Variants in LAMC3 observed in about 807,000 individuals in gnomAD.
LAMC3 encodes the protein laminin subunit gamma-3.
A neutral mutation model predicts 173.8 loss-of-function variants in LAMC3; 128 were observed. The observed-to-expected ratio is 0.74, with a 90% CI of 0.64 to 0.85. LAMC3 has a LOEUF of 0.85. Among genes scored for constraint, LAMC3 ranks in the 40% least tolerant of loss-of-function variants. The probability of loss-of-function intolerance (pLI) is 0.00; values close to 1 mark genes in which losing one functional copy is unlikely to be tolerated. For synonymous variants in LAMC3, 897 were observed against 909.1 expected, an observed-to-expected ratio of 0.99 and a Z score of 0.24; for missense variants, 2,022 against 2,156.0, an observed-to-expected ratio of 0.94 and a Z score of 1.23.
Position 131,009,380 on chromosome 9 carries a change from A to AGCCC in LAMC3, c.172_175dup (p.Glu59AlafsTer72). The AGCCC allele has an allele frequency of 6.5e-7, 1 of 1,527,368 alleles. No homozygotes were observed. Among genetic ancestry groups the AGCCC allele is most frequent in the Non-Finnish European group, 8.8e-7 (1 of 1,141,646 alleles). 94.6% of individuals were successfully genotyped at this position (1,527,368 alleles called of 1,614,324 possible). ...CGCCCAGGCCTCGCACACGTGCGGC[A>AGCCC]GCCCGCCCGAGGACTTCTGTCCCCA... On this transcript the variant is annotated frameshift_variant, in exon 1 of 28. Coordinates refer to ENST00000361069, the MANE Select transcript of LAMC3 (RefSeq NM_006059.4). LOFTEE classifies it high-confidence loss of function. The surrounding 1 kb of genome is among the most constrained non-coding windows in gnomAD (Gnocchi z 4.3).
At chr9:131,017,519 G>A (rs530516938) in intron 1 of LAMC3, among the ~76,000 whole-genome samples, 20 of 151,346 alleles carry the variant, frequency 1.3e-4, no homozygotes, top group Non-Finnish European at 2.5e-4. Flanking sequence ...GAGGTCATGA[G>A]TTCGAGACCA....
intron 1 of LAMC3, chr9:131,021,388 C>G (rs1050438417): frequency 2.0e-5 from 3 of 152,152 alleles, no homozygotes; most frequent in Non-Finnish European, 4.4e-5. Context: ...CATGAGGGTT[C>G]CAGTTTCTCC....
chr9:131,071,483 G>C lies in LAMC3; in HGVS notation c.3070-1G>C, dbSNP rs760933843. The C allele has an allele frequency of 6.2e-7, 1 of 1,613,876 alleles. No individual in the cohort carries two copies. ...ACACCTTTTCTTCCTGTCCTCTCCA[G>C]GCAGCCAAGCTGAAGGCCAGACTGA... On this transcript the variant is annotated splice_acceptor_variant, in intron 17 of 27. Coordinates refer to ENST00000361069, the MANE Select transcript of LAMC3 (RefSeq NM_006059.4). LOFTEE classifies it high-confidence loss of function.
Position 131,067,051 on chromosome 9 carries a change from C to A in LAMC3, c.2439C>A (p.Ser813Arg). 4 of 1,614,098 alleles carry A rather than the reference C, an allele frequency of 2.5e-6. No homozygotes were observed. The highest frequency in any genetic ancestry group is 3.4e-6 in the Non-Finnish European group (4 of 1,180,022). Residue 813 changes from serine (S) to arginine (R), a missense_variant, in exon 14 of 28, where the codon AGC becomes AGA. Physicochemically the swap from Ser to Arg is moderately radical, Grantham distance 110. Transcript: ENST00000361069. ...HPQPCHQCQCSGNVDPNAVGN... is the reference protein window; with the variant it reads ...HPQPCHQCQCRGNVDPNAVGN... ...AGCCCTGCCACCAGTGCCAGTGTAG[C>A]GGGAACGTGGACCCCAATGCCGTGG...
At chr9:131,034,232 G>A (rs869673) in intron 3 of LAMC3, among the ~76,000 whole-genome samples, 1,720 of 152,290 alleles carry the variant, frequency 0.011, 117 homozygotes, top group Admixed American at 0.099. Flanking sequence ...TGGGTCAGTG[G>A]GCTTCACAGG....
chr9:131,051,899 G>A (rs10793985), intron 9 of LAMC3, among the ~76,000 whole-genome samples: 123,589 of 152,072 alleles, frequency 0.81, 50,833 homozygotes, highest in African/African-American at 0.94. Context: ...ATGGGCTGAT[G>A]CAGTGAAATG....
At chr9:131,078,803 G>A (rs1387891821) in intron 22 of LAMC3, among the ~76,000 whole-genome samples, 1 of 152,240 alleles carries the variant, frequency 6.6e-6, no homozygotes, top group Non-Finnish European at 1.5e-5. Context: ...GTGGGGCAGT[G>A]TGGGTCAGGG....
chr9:131,082,473 G>A (rs1465366468), intron 24 of LAMC3, among the ~76,000 whole-genome samples: 2 of 152,170 alleles, frequency 1.3e-5, no homozygotes, highest in African/African-American at 4.8e-5. Context: ...CTCTGGCCTG[G>A]GCTCCAGTTA....
intron 1 of LAMC3, among the ~76,000 whole-genome samples, chr9:131,013,069 C>T (rs958600428): frequency 6.6e-6 from 1 of 152,208 alleles, no homozygotes. Context: ...ACAGACCATT[C>T]CGGGGCTCTC....
intron 22 of LAMC3, among the ~76,000 whole-genome samples, chr9:131,078,793 G>A (rs895217369): frequency 6.6e-6 from 1 of 152,252 alleles, no homozygotes; most frequent in African/African-American, 2.4e-5. Context: ...CCACTTTGCA[G>A]TGGGGCAGTG....
In LAMC3 at chr9:131,094,308, T is replaced by A. The variant is rs1258754109; in HGVS notation, c.*2521T>A. On this transcript the variant is annotated 3_prime_UTR_variant, in exon 28 of 28. Coordinates refer to ENST00000361069, the MANE Select transcript of LAMC3 (RefSeq NM_006059.4). The stretch of plus-strand genomic sequence containing the variant: ...TAGGTGAAGTCCCACCAACCCCCGT[T>A]CAGGATAATGAGGATCTCTGGATCT... The A allele has an allele frequency of 6.6e-6, 1 of 152,190 alleles. No individual in the cohort carries two copies. Among genetic ancestry groups the A allele is most frequent in the Non-Finnish European group, 1.5e-5 (1 of 68,106 alleles). 9.4% of individuals were successfully genotyped at this position (152,190 alleles called of 1,614,324 possible).
At chr9:131,055,617 G>T (rs1215384807) in intron 11 of LAMC3, among the ~76,000 whole-genome samples, 1 of 150,720 alleles carries the variant, frequency 6.6e-6, no homozygotes, top group Non-Finnish European at 1.5e-5. Context: ...AGTAGAGACG[G>T]GGTTTCACCG....
At chr9:131,038,495 A>C (rs1467646129) in intron 4 of LAMC3, among the ~76,000 whole-genome samples, 1 of 152,042 alleles carries the variant, frequency 6.6e-6, no homozygotes, top group Non-Finnish European at 1.5e-5. Context: ...TCACACTATT[A>C]TGGCTTGGAG....
At chr9:131,012,563 C>T (rs1363972071) in intron 1 of LAMC3, among the ~76,000 whole-genome samples, 3 of 152,248 alleles carry the variant, frequency 2.0e-5, no homozygotes, top group Admixed American at 2.0e-4. Flanking sequence ...ACAAGGGGCG[C>T]CGGGGGCCCA....
chr9:131,076,277 C>T lies in LAMC3; in HGVS notation c.3629+312C>T, dbSNP rs575418079. ...CCGCATTCCCTGACCCCCCTGGCCC[C>T]GGCGCCCCAGCCCAGGGCAGCTCCT... On this transcript the variant is annotated intron_variant, in intron 21 of 27. Coordinates refer to ENST00000361069, the MANE Select transcript of LAMC3 (RefSeq NM_006059.4). 1.4e-4 allele frequency among the ~76,000 whole-genome samples: 22 copies of T among 152,284 alleles called. No individual in the cohort carries two copies. In the East Asian group the frequency reaches 1.9e-3, roughly 13 times the overall value.
intron 6 of LAMC3, 85 bp downstream of exon 6, chr9:131,039,333 TC>T: frequency 1.8e-6 from 2 of 1,096,344 alleles, no homozygotes; most frequent in Non-Finnish European, 2.7e-6. Context: ...GTCCCTCCCC[TC>T]CCCATCCCTT....
At chr9:131,044,719 C>T (rs1447623820) in intron 7 of LAMC3, among the ~76,000 whole-genome samples, 1 of 152,134 alleles carries the variant, frequency 6.6e-6, no homozygotes, top group African/African-American at 2.4e-5. Context: ...CTTTCCCAAG[C>T]CTATAACTCT....
rs1273075397 is a variant in LAMC3, at chr9:131,015,105, A to G, written c.373+5518A>G. Among the ~76,000 whole-genome samples, 8 of 152,334 alleles carry G rather than the reference A, an allele frequency of 5.3e-5. 1 individual carries two copies. Among genetic ancestry groups the G allele is most frequent in the South Asian group, 4.1e-4 (2 of 4,824 alleles). ...GCAAATGGGGAAACCAAGGCACTAC[A>G]TTGCACAGTCACTTGCCCAGTGAAC... On this transcript the variant is annotated intron_variant, in intron 1 of 27. Coordinates refer to ENST00000361069, the MANE Select transcript of LAMC3 (RefSeq NM_006059.4).
At position 131,092,389 on chromosome 9, in the gene LAMC3, A is replaced by T. The variant is rs1461616434; in HGVS notation, c.*602A>T. Reference sequence around the variant, plus strand: ...TGCTGCGTGCACTCCCTACAGCTCGACACAGCCAGGGGACCAACAGGCCAA... The same window carrying T: ...TGCTGCGTGCACTCCCTACAGCTCGTCACAGCCAGGGGACCAACAGGCCAA... On this transcript the variant is annotated 3_prime_UTR_variant, in exon 28 of 28. Transcript: ENST00000361069. The T allele has an allele frequency of 6.5e-6, 1 of 154,138 alleles. No individual in the cohort carries two copies. The highest frequency in any genetic ancestry group is 1.4e-5 in the Non-Finnish European group (1 of 69,218). The allele number at this position is 154,138 out of a possible 1,614,324, so 9.5% of individuals were successfully genotyped here.
Sources: gnomAD v4.1 joint callset for allele counts (sites outside exome capture counted in the v4.1 genomes callset) on GRCh38, gnomAD v4.1.1 for gene constraint, Gnocchi (gnomAD v3.1) non-coding constraint, MANE v1.5 for transcripts, NCBI Gene and HGNC (gene_info 2026-07-23, HGNC 2026-07-21) for gene names.